Variants in ESRRB observed in about 807,000 individuals in gnomAD.
The protein encoded by ESRRB is estrogen related receptor beta, also known as steroid hormone receptor ERR2.
In ESRRB, 16 loss-of-function variants were observed where a neutral mutation model predicts 46.0. The observed-to-expected ratio is 0.35, with a 90% CI of 0.24 to 0.53. ESRRB has a LOEUF of 0.53. Ranked by LOEUF, ESRRB falls within the 20% of genes least tolerant of loss-of-function variation. The pLI, the probability that ESRRB is intolerant of heterozygous loss-of-function variation, is 0.93. For synonymous variants in ESRRB, 246 were observed against 259.6 expected, an observed-to-expected ratio of 0.95 and a Z score of 0.50; for missense variants, 488 against 607.4, an observed-to-expected ratio of 0.80 and a Z score of 2.07.
intron 1 of ESRRB, among the ~76,000 whole-genome samples, chr14:76,314,179 A>C (rs560151719): frequency 4.5e-4 from 68 of 152,334 alleles, no homozygotes; most frequent in Non-Finnish European, 8.7e-4. Context: ...GCTTCTGTAC[A>C]ACTTCTGTGC....
chr14:76,428,729 T>C (rs1887305718), intron 1 of ESRRB, among the ~76,000 whole-genome samples: 1 of 152,174 alleles, frequency 6.6e-6, no homozygotes, highest in African/African-American at 2.4e-5. Flanking sequence ...CCTGCCTTGG[T>C]AGAGCCTCTC....
At chr14:76,417,372 G>A (rs1886751069) in intron 1 of ESRRB, among the ~76,000 whole-genome samples, 1 of 152,116 alleles carries the variant, frequency 6.6e-6, no homozygotes, top group Non-Finnish European at 1.5e-5. Context: ...AAGGTGGGAT[G>A]TGAAGTTGGA....
intron 3 of ESRRB, among the ~76,000 whole-genome samples, chr14:76,474,816 CAAACAAAACAAA>C (rs1216312245): frequency 2.7e-5 from 4 of 149,328 alleles, no homozygotes; most frequent in Non-Finnish European, 4.5e-5. Context: ...GACCCTGTCT[CAAACAAAACAAA>C]ACAAAACAAA....
At chr14:76,414,686 A>C (rs1020665868) in intron 1 of ESRRB, among the ~76,000 whole-genome samples, 5 of 147,352 alleles carry the variant, frequency 3.4e-5, no homozygotes, top group South Asian at 2.1e-4. Context: ...AAAAAAAAAA[A>C]AAAAAAACTA....
chr14:76,395,671 G>T (rs986489271), intron 1 of ESRRB, among the ~76,000 whole-genome samples: 3 of 152,118 alleles, frequency 2.0e-5, no homozygotes, highest in Non-Finnish European at 2.9e-5. Flanking sequence ...TTTATGCAGG[G>T]TACTGTCAGC....
At chr14:76,495,629 ATAAAG>A (rs905534118) in intron 6 of ESRRB, 4 of 151,850 alleles carry the variant, frequency 2.6e-5, no homozygotes, top group East Asian at 1.9e-4. Flanking sequence ...AATAAATAAA[ATAAAG>A]TAATGATTTA....
intron 1 of ESRRB, among the ~76,000 whole-genome samples, chr14:76,318,416 A>G (rs914736928): frequency 3.3e-5 from 5 of 152,204 alleles, no homozygotes; most frequent in Non-Finnish European, 5.9e-5. Flanking sequence ...AAATCAGAGG[A>G]TAAACATTCC....
intron 5 of ESRRB, among the ~76,000 whole-genome samples, chr14:76,489,445 CCACACACACACA>C (rs56091857): frequency 1.0e-4 from 13 of 129,598 alleles, no homozygotes; most frequent in Admixed American, 3.1e-4. Flanking sequence ...ATCTGGACAA[CCACACACACACA>C]CACACACACA....
chr14:76,476,958 G>A (rs1028440900), intron 3 of ESRRB, among the ~76,000 whole-genome samples: 1 of 152,226 alleles, frequency 6.6e-6, no homozygotes, highest in Admixed American at 6.5e-5. Flanking sequence ...TTGCCGTGGT[G>A]GCACGCACCT....
At chr14:76,359,159 A>G (rs146398807) in intron 1 of ESRRB, among the ~76,000 whole-genome samples, 1 of 152,328 alleles carries the variant, frequency 6.6e-6, no homozygotes, top group African/African-American at 2.4e-5. Flanking sequence ...TAATAATTCT[A>G]ACATCCAGAG....
intron 1 of ESRRB, among the ~76,000 whole-genome samples, chr14:76,360,991 A>G (rs987570363): frequency 6.6e-6 from 1 of 152,238 alleles, no homozygotes; most frequent in Non-Finnish European, 1.5e-5. Context: ...TGAAATGGCA[A>G]GACATCTTAT....
intron 1 of ESRRB, among the ~76,000 whole-genome samples, chr14:76,397,499 C>T (rs1885742142): frequency 6.6e-6 from 1 of 152,218 alleles, no homozygotes; most frequent in Non-Finnish European, 1.5e-5. Context: ...CCCTGGGAAT[C>T]CCAGCTTCAG....
intron 1 of ESRRB, among the ~76,000 whole-genome samples, chr14:76,364,469 A>G (rs1884498524): frequency 6.6e-6 from 1 of 152,084 alleles, no homozygotes; most frequent in South Asian, 2.1e-4. Context: ...TGGGTGGATC[A>G]CCTGAGATCA....
At chr14:76,349,565 C>T (rs2139759530) in intron 1 of ESRRB, among the ~76,000 whole-genome samples, 1 of 152,100 alleles carries the variant, frequency 6.6e-6, no homozygotes, top group East Asian at 1.9e-4. Flanking sequence ...TAATGGACAG[C>T]TCTAGAATGA....
chr14:76,457,061 G>T (rs967956883), intron 2 of ESRRB, among the ~76,000 whole-genome samples: 5 of 152,162 alleles, frequency 3.3e-5, no homozygotes, highest in Non-Finnish European at 7.4e-5. Context: ...TGGCAGGGCT[G>T]CCCTGCTCTC....
At chr14:76,450,206 G>A (rs554490755) in intron 2 of ESRRB, among the ~76,000 whole-genome samples, 1 of 152,208 alleles carries the variant, frequency 6.6e-6, no homozygotes, top group South Asian at 2.1e-4. Context: ...ACTTTTAAAG[G>A]AAGCTGAAGC....
chr14:76,385,781 A>G (rs1885202982), intron 1 of ESRRB, among the ~76,000 whole-genome samples: 1 of 152,216 alleles, frequency 6.6e-6, no homozygotes, highest in African/African-American at 2.4e-5. Flanking sequence ...CCATTTGTTG[A>G]TGGGATGGAG....
At chr14:76,409,800 G>A (rs1230253763) in intron 1 of ESRRB, among the ~76,000 whole-genome samples, 1 of 152,150 alleles carries the variant, frequency 6.6e-6, no homozygotes, top group Non-Finnish European at 1.5e-5. Flanking sequence ...ATGGGAGATG[G>A]TGGGAAGGCT....
At chr14:76,388,175 CTTTTTTTT>C (rs35368784) in intron 1 of ESRRB, among the ~76,000 whole-genome samples, 3 of 118,260 alleles carry the variant, frequency 2.5e-5, no homozygotes, top group South Asian at 2.8e-4. Context: ...TTCTTTCATT[CTTTTTTTT>C]TTTTTTTTTT....
Sources: gnomAD v4.1 joint callset for allele counts (sites outside exome capture counted in the v4.1 genomes callset) on GRCh38, gnomAD v4.1.1 for gene constraint, MANE v1.5 for transcripts, NCBI Gene and HGNC (gene_info 2026-07-23, HGNC 2026-07-21) for gene names.